SCD5: variants seen among roughly 807,000 people sequenced by gnomAD.
The protein encoded by SCD5 is stearoyl-CoA desaturase 5, also known as acyl-CoA-desaturase 4.
In SCD5, 20 loss-of-function variants were observed where a neutral mutation model predicts 30.4. That is an observed-to-expected ratio of 0.66 (90% CI 0.46 to 0.96). The LOEUF (loss-of-function observed/expected upper bound fraction) is 0.96. Among genes scored for constraint, SCD5 ranks in the 40% least tolerant of loss-of-function variants. SCD5 has a pLI of 0.00. For missense variants in SCD5, 381 were observed against 443.3 expected (o/e 0.86, Z 1.26); for synonymous variants, 173 against 176.4 (o/e 0.98, Z 0.16).
chr4:82,794,318 G>C (rs1273065561), intron 1 of SCD5, among the ~76,000 whole-genome samples: 1 of 152,216 alleles, frequency 6.6e-6, no homozygotes, highest in Non-Finnish European at 1.5e-5. Flanking sequence ...TGTCACTGAA[G>C]TTATCTCATG....
intron 3 of SCD5, among the ~76,000 whole-genome samples, chr4:82,649,660 T>C (rs142911287): frequency 2.8e-4 from 43 of 152,178 alleles, no homozygotes; most frequent in African/African-American, 1.0e-3. Context: ...CAGAGGTAGG[T>C]CTTCATCAAG....
intron 2 of SCD5, among the ~76,000 whole-genome samples, chr4:82,704,090 T>G (rs1436965097): frequency 6.6e-6 from 1 of 152,196 alleles, no homozygotes; most frequent in African/African-American, 2.4e-5. Context: ...GTTTCCTAAT[T>G]GACCTATTGT....
At chr4:82,736,833 T>C (rs1358528689) in intron 1 of SCD5, among the ~76,000 whole-genome samples, 1 of 151,910 alleles carries the variant, frequency 6.6e-6, no homozygotes, top group African/African-American at 2.4e-5. Context: ...CAGCTAATTT[T>C]TTAAAAAAAT....
intron 3 of SCD5, among the ~76,000 whole-genome samples, chr4:82,679,606 T>C (rs1278119871): frequency 6.6e-6 from 1 of 152,110 alleles, no homozygotes; most frequent in Admixed American, 6.5e-5. Context: ...TCCCATTTTA[T>C]AGATGAAGCT....
chr4:82,738,577 T>C (rs1339518735), intron 1 of SCD5, among the ~76,000 whole-genome samples: 2 of 152,208 alleles, frequency 1.3e-5, no homozygotes, highest in East Asian at 1.9e-4. Context: ...CACTCACCCA[T>C]TCCTTCCACC....
At chr4:82,761,671 C>T (rs1374661777) in intron 1 of SCD5, among the ~76,000 whole-genome samples, 4 of 152,014 alleles carry the variant, frequency 2.6e-5, no homozygotes, top group African/African-American at 9.7e-5. Context: ...TGCTGGTGCA[C>T]TGCACCCACT....
rs1185863768 is a variant in SCD5 at position 82,630,310 on chromosome 4, T to C, written c.*1017A>G. The C allele has an allele frequency of 6.6e-6, 1 of 152,186 alleles. No individual in the cohort carries two copies. Among genetic ancestry groups the C allele is most frequent in the African/African-American group, 2.4e-5 (1 of 41,430 alleles). 9.4% of individuals were successfully genotyped at this position (152,186 alleles called of 1,614,324 possible). On this transcript the variant is annotated 3_prime_UTR_variant, in exon 5 of 5. Transcript: ENST00000319540. Reference sequence around the variant, plus strand: ...AAAAATAAACAAGAGCCATTTCCTGTATTCTCATTTTTTTCAGTTTTTGAT... The same window carrying C: ...AAAAATAAACAAGAGCCATTTCCTGCATTCTCATTTTTTTCAGTTTTTGAT...
rs569839592 is a variant in SCD5, at chr4:82,651,054, G to A, written c.570-14231C>T. Among the ~76,000 whole-genome samples the A allele has an allele frequency of 5.9e-5, 9 of 152,296 alleles. No homozygotes were observed. In the East Asian group the frequency reaches 1.5e-3, roughly 26 times the overall value. On this transcript the variant is annotated intron_variant, in intron 3 of 4. Transcript: ENST00000319540. Reference sequence around the variant, plus strand: ...TGGATGTCTGGCTTTATGAAAGGCAGCTGGATTCACCTATCTGATGCTGCA... The same window carrying A: ...TGGATGTCTGGCTTTATGAAAGGCAACTGGATTCACCTATCTGATGCTGCA...
chr4:82,761,639 T>G (rs1312450139), intron 1 of SCD5, among the ~76,000 whole-genome samples: 1 of 152,052 alleles, frequency 6.6e-6, no homozygotes, highest in African/African-American at 2.4e-5. Flanking sequence ...TGCAGGTTAG[T>G]TACATATGTA....
chr4:82,710,432 G>T (rs1339084232), intron 1 of SCD5, among the ~76,000 whole-genome samples: 1 of 151,886 alleles, frequency 6.6e-6, no homozygotes, highest in Admixed American at 6.6e-5. Context: ...CACTCCACCC[G>T]CCCCACCTCC....
At chr4:82,782,662 A>G (rs1359900151) in intron 1 of SCD5, among the ~76,000 whole-genome samples, 1 of 152,050 alleles carries the variant, frequency 6.6e-6, no homozygotes, top group Non-Finnish European at 1.5e-5. Context: ...CTCCCCCAAG[A>G]AAACAAGTTA....
chr4:82,667,269 T>A (rs201959981), intron 3 of SCD5, among the ~76,000 whole-genome samples: 2 of 150,996 alleles, frequency 1.3e-5, no homozygotes, highest in South Asian at 4.2e-4. Flanking sequence ...TGTATTTTTA[T>A]ACACACACAC....
chr4:82,659,770 G>A (rs543641928), intron 3 of SCD5: 1 of 152,132 alleles, frequency 6.6e-6, no homozygotes, highest in Non-Finnish European at 1.5e-5. Context: ...TTTAGAATAA[G>A]TGTGATGTGG....
intron 3 of SCD5, among the ~76,000 whole-genome samples, chr4:82,672,174 T>C (rs572254797): frequency 2.0e-4 from 31 of 151,916 alleles, no homozygotes; most frequent in African/African-American, 7.5e-4. Flanking sequence ...AAATCCAAAG[T>C]AAGAAGAAGA....
intron 1 of SCD5, 76 bp downstream of exon 1, chr4:82,798,230 G>C (rs1314543330): frequency 8.1e-7 from 1 of 1,241,898 alleles, no homozygotes; most frequent in East Asian, 3.6e-5. Context: ...CAGCCGAGGG[G>C]CGAGCGGCGA....
chr4:82,765,767 C>G (rs1721472215), intron 1 of SCD5, among the ~76,000 whole-genome samples: 1 of 152,044 alleles, frequency 6.6e-6, no homozygotes, highest in Non-Finnish European at 1.5e-5. Flanking sequence ...CAGGTGTGCA[C>G]CGCCATCATA....
At chr4:82,761,007 T>C (rs1295187426) in intron 1 of SCD5, among the ~76,000 whole-genome samples, 1 of 152,228 alleles carries the variant, frequency 6.6e-6, no homozygotes, top group African/African-American at 2.4e-5. Context: ...GTGGCAAATC[T>C]ATCACAAGAA....
intron 1 of SCD5, among the ~76,000 whole-genome samples, chr4:82,796,269 C>CA (rs34612984): frequency 0.036 from 3,829 of 105,334 alleles, 73 homozygotes; most frequent in Middle Eastern, 0.054. Context: ...GACTCTGTCT[C>CA]AAAAAAAAAA....
At chr4:82,742,755 C>T (rs1170645624) in intron 1 of SCD5, among the ~76,000 whole-genome samples, 1 of 152,108 alleles carries the variant, frequency 6.6e-6, no homozygotes, top group African/African-American at 2.4e-5. Context: ...CCACTGCACT[C>T]CAGTGAGATT....
Sources: allele counts gnomAD v4.1 joint callset (sites outside exome capture counted in the v4.1 genomes callset), GRCh38; gene constraint gnomAD v4.1.1; transcripts MANE v1.5; gene names NCBI Gene and HGNC (gene_info 2026-07-23, HGNC 2026-07-21).